TRIB2: variants seen among roughly 807,000 people sequenced by gnomAD.
TRIB2 encodes tribbles pseudokinase 2.
Under a neutral mutation model 26.8 loss-of-function variants are expected in TRIB2, and 2 were observed. The ratio of observed to expected loss-of-function variants is 0.07; its 90% CI spans 0.03 to 0.24. TRIB2 has a LOEUF of 0.24. TRIB2 is among the 10% of genes least tolerant of loss of function. The pLI, the probability that TRIB2 is intolerant of heterozygous loss-of-function variation, is 1.00. For missense variants in TRIB2, 306 were observed against 449.0 expected (o/e 0.68, Z 2.88); for synonymous variants, 189 against 187.3 (o/e 1.01, Z -0.08).
chr2:12,728,895 C>G lies in TRIB2; in HGVS notation c.563+5343C>G, dbSNP rs571754652. On this transcript the variant is annotated intron_variant, in intron 2 of 2. Coordinates refer to ENST00000155926, the MANE Select transcript of TRIB2 (RefSeq NM_021643.4). The stretch of plus-strand genomic sequence containing the variant: ...TTTCCTTCAGATCTTCAAGTTGCAC[C>G]CGCCTCCATTGAGGTCTCAGTATCT... 3.3e-5 allele frequency among the ~76,000 whole-genome samples: 5 copies of G among 152,260 alleles called. No homozygotes were observed. In the South Asian group the frequency reaches 1.0e-3, roughly 32 times the overall value.
chr2:12,719,576 G>GTT (rs11431277), intron 1 of TRIB2, among the ~76,000 whole-genome samples: 26,199 of 138,124 alleles, frequency 0.19, 3,037 homozygotes, highest in Middle Eastern at 0.3. Context: ...TTTGCTGACT[G>GTT]TTTTTTTTTT....
At chr2:12,731,360 C>T (rs1170120491) in intron 2 of TRIB2, among the ~76,000 whole-genome samples, 1 of 152,126 alleles carries the variant, frequency 6.6e-6, no homozygotes, top group Non-Finnish European at 1.5e-5. Flanking sequence ...GAAAGACACA[C>T]CCCTCACCTC....
In TRIB2 at chr2:12,732,582, G is replaced by T. The variant is rs746312011; in HGVS notation, c.564-7744G>T. 1.3e-5 allele frequency among the ~76,000 whole-genome samples: 2 copies of T among 152,180 alleles called. No individual in the cohort carries two copies. The highest frequency in any genetic ancestry group is 2.9e-5 in the Non-Finnish European group (2 of 68,022). ...GTGGTTCACTGACTCTCCAAGACTT[G>T]GTGCAGAGGTGGCTCTCAGAGGTGA... On this transcript the variant is annotated intron_variant, in intron 2 of 2. Transcript: ENST00000155926. The surrounding 1 kb of genome is among the most constrained non-coding windows in gnomAD (Gnocchi z 4.2).
intron 2 of TRIB2, chr2:12,737,440 T>C (rs1287338000): frequency 6.5e-6 from 1 of 154,860 alleles, no homozygotes; most frequent in African/African-American, 2.4e-5. Context: ...CCTCCTCCTT[T>C]CCTCTGCCCC....
At chr2:12,731,261 C>G (rs539856354) in intron 2 of TRIB2, among the ~76,000 whole-genome samples, 1 of 152,052 alleles carries the variant, frequency 6.6e-6, no homozygotes, top group South Asian at 2.1e-4. Flanking sequence ...ATGAGTCAAG[C>G]CAGAGGCACA....
At chr2:12,719,007 C>T (rs553784682) in intron 1 of TRIB2, among the ~76,000 whole-genome samples, 8 of 152,272 alleles carry the variant, frequency 5.3e-5, no homozygotes, top group East Asian at 3.9e-4. Flanking sequence ...TTCTTAGCAG[C>T]GGGCAGGTGT....
At chr2:12,727,901 C>T (rs2103253457) in intron 2 of TRIB2, among the ~76,000 whole-genome samples, 1 of 152,260 alleles carries the variant, frequency 6.6e-6, no homozygotes, top group African/African-American at 2.4e-5. Context: ...CACCCACATC[C>T]CCAAAGTGCG....
intron 2 of TRIB2, among the ~76,000 whole-genome samples, chr2:12,730,748 T>A (rs1041291544): frequency 6.6e-6 from 1 of 152,198 alleles, no homozygotes; most frequent in Non-Finnish European, 1.5e-5. Flanking sequence ...GCCCCTTATG[T>A]CCCGTGGCGT....
Position 12,723,561 on chromosome 2 carries a change from C to A in TRIB2, c.563+9C>A. The stretch of plus-strand genomic sequence containing the variant: ...TTTAAGGACGAAGAGAGGTAGGTCT[C>A]ATCCTGTCCAGACCTGGGTACTGTG... On this transcript the variant is annotated intron_variant, in intron 2 of 2. Coordinates refer to ENST00000155926, the MANE Select transcript of TRIB2 (RefSeq NM_021643.4). The A allele has an allele frequency of 6.2e-7, 1 of 1,611,926 alleles. No individual in the cohort carries two copies. The highest frequency in any genetic ancestry group is 1.1e-5 in the South Asian group (1 of 90,768).
At position 12,717,711 on chromosome 2, in the gene TRIB2, C is replaced by T. The variant is rs957638052; in HGVS notation, c.-597C>T. The T allele has an allele frequency of 8.5e-5, 33 of 387,064 alleles. No individual in the cohort carries two copies. Among genetic ancestry groups the T allele is most frequent in the Middle Eastern group, 6.4e-4 (1 of 1,564 alleles). The allele number at this position is 387,064 out of a possible 1,614,324, so 24.0% of individuals were successfully genotyped here. A position where few individuals can be genotyped will look rare whatever the true frequency, so the allele number is the denominator to read the frequency against. On this transcript the variant is annotated 5_prime_UTR_variant, in exon 1 of 3. Coordinates refer to ENST00000155926, the MANE Select transcript of TRIB2 (RefSeq NM_021643.4). The surrounding 1 kb of genome is among the most constrained non-coding windows in gnomAD (Gnocchi z 4.8). Reference sequence around the variant, plus strand: ...GTAGGTAACTGCCCTCTCCCGCACCCCCCCCTTACACGCCCCCCACCCTTT... The same window carrying T: ...GTAGGTAACTGCCCTCTCCCGCACCTCCCCCTTACACGCCCCCCACCCTTT...
chr2:12,727,101 T>C (rs1661354553), intron 2 of TRIB2, among the ~76,000 whole-genome samples: 1 of 152,244 alleles, frequency 6.6e-6, no homozygotes, highest in Admixed American at 6.5e-5. Context: ...GTTTCCATTT[T>C]ACTTTGATTT....
chr2:12,724,602 C>G (rs770724703), intron 2 of TRIB2: 1 of 1,596,482 alleles, frequency 6.3e-7, no homozygotes, highest in Non-Finnish European at 8.5e-7. Flanking sequence ...AGTGTGGAAC[C>G]ACATTTACCT....
chr2:12,736,237 A>C (rs1018767589), intron 2 of TRIB2, among the ~76,000 whole-genome samples: 1 of 152,172 alleles, frequency 6.6e-6, no homozygotes, highest in Admixed American at 6.5e-5. Flanking sequence ...GGGAAGCACA[A>C]TCCGGGTGGG....
At chr2:12,724,638 C>T in intron 2 of TRIB2, 1 of 1,612,488 alleles carries the variant, frequency 6.2e-7, no homozygotes, top group Non-Finnish European at 8.5e-7. Context: ...GATGCCTCTG[C>T]CCCTGGAGCC....
At chr2:12,734,764 C>T (rs1271021539) in intron 2 of TRIB2, among the ~76,000 whole-genome samples, 2 of 152,188 alleles carry the variant, frequency 1.3e-5, no homozygotes, top group African/African-American at 4.8e-5. Flanking sequence ...TTTTACATGC[C>T]TGCATGACTA....
In TRIB2 at chr2:12,718,987, G is replaced by C. The variant is rs1376046710; in HGVS notation, c.270+410G>C. On this transcript the variant is annotated intron_variant, in intron 1 of 2. Coordinates refer to ENST00000155926, the MANE Select transcript of TRIB2 (RefSeq NM_021643.4). This position sits in a 1 kb window ranked among gnomAD's most constrained non-coding sequence, Gnocchi z 4.0. ...TAAGACTGATGACTTCGTTCTTTTC[G>C]CAGCCATTGTTCTTAGCAGCGGGCA... 6.6e-6 allele frequency among the ~76,000 whole-genome samples: 1 copy of C among 152,132 alleles called. No individual in the cohort carries two copies. Among genetic ancestry groups the C allele is most frequent in the South Asian group, 2.1e-4 (1 of 4,826 alleles).
intron 2 of TRIB2, among the ~76,000 whole-genome samples, chr2:12,733,603 T>A (rs1460829332): frequency 3.9e-5 from 6 of 152,220 alleles, no homozygotes; most frequent in Non-Finnish European, 8.8e-5. Context: ...CAAGCTGTAG[T>A]AATCTCAGCA....
intron 2 of TRIB2, among the ~76,000 whole-genome samples, chr2:12,736,044 C>T (rs576788961): frequency 3.9e-5 from 6 of 152,048 alleles, no homozygotes; most frequent in Non-Finnish European, 8.8e-5. Flanking sequence ...AGAGTGGAGG[C>T]CTTAACCATT....
In TRIB2 at chr2:12,718,660, G is replaced by A; in HGVS notation, c.270+83G>A. 1.3e-6 allele frequency: 2 copies of A among 1,511,954 alleles called. No individual in the cohort carries two copies. The highest frequency in any genetic ancestry group is 1.4e-5 in the African/African-American group (1 of 71,662). 93.7% of individuals were successfully genotyped at this position (1,511,954 alleles called of 1,614,324 possible). On this transcript the variant is annotated intron_variant, in intron 1 of 2. Coordinates refer to ENST00000155926, the MANE Select transcript of TRIB2 (RefSeq NM_021643.4). The surrounding 1 kb of genome is among the most constrained non-coding windows in gnomAD (Gnocchi z 4.0). ...CGCCAGGCCCTCGAGTCTGGGAGAG[G>A]GAGATTCGCGGGATAATTACCGTGG...
Sources: gnomAD v4.1 joint callset for allele counts (sites outside exome capture counted in the v4.1 genomes callset) on GRCh38, gnomAD v4.1.1 for gene constraint, Gnocchi (gnomAD v3.1) non-coding constraint, MANE v1.5 for transcripts, NCBI Gene and HGNC (gene_info 2026-07-23, HGNC 2026-07-21) for gene names.